The following SEMA5A variants were observed in gnomAD, a reference collection of about 807,000 sequenced individuals.
SEMA5A encodes the protein semaphorin-5A.
Under a neutral mutation model 135.5 loss-of-function variants are expected in SEMA5A, and 55 were observed. That is an observed-to-expected ratio of 0.41 (90% CI 0.33 to 0.51). SEMA5A has a LOEUF of 0.51. SEMA5A is among the 20% of genes least tolerant of loss of function. SEMA5A has a pLI of 0.37. For synonymous variants in SEMA5A, 580 were observed against 546.5 expected (o/e 1.06, Z -0.85); for missense variants, 1,290 against 1,419.9 (o/e 0.91, Z 1.47).
intron 2 of SEMA5A, among the ~76,000 whole-genome samples, chr5:9,407,923 A>G (rs1196067226): frequency 6.6e-6 from 1 of 151,906 alleles, no homozygotes; most frequent in Non-Finnish European, 1.5e-5. Flanking sequence ...TACCACTACC[A>G]TGACCACCAT....
At chr5:9,525,582 T>C (rs1414788648) in intron 1 of SEMA5A, among the ~76,000 whole-genome samples, 4 of 152,238 alleles carry the variant, frequency 2.6e-5, no homozygotes, top group Non-Finnish European at 5.9e-5. Flanking sequence ...AGCACTTGTC[T>C]CTCGGAGCCT....
chr5:9,361,025 G>A (rs1016253689), intron 3 of SEMA5A, among the ~76,000 whole-genome samples: 4 of 152,160 alleles, frequency 2.6e-5, no homozygotes, highest in African/African-American at 9.7e-5. Flanking sequence ...CTGGCCAGGC[G>A]CAGTGGCACA....
At chr5:9,534,265 C>T (rs1381430505) in intron 1 of SEMA5A, among the ~76,000 whole-genome samples, 3 of 152,170 alleles carry the variant, frequency 2.0e-5, no homozygotes, top group Admixed American at 2.0e-4. Flanking sequence ...GCTGCCACAC[C>T]CCCAGTCAAG....
chr5:9,202,369 TGGGAGGCCCCG>T, intron 8 of SEMA5A, 129 bp from the exon 9 acceptor site: 1 of 879,058 alleles, frequency 1.1e-6, no homozygotes, highest in Non-Finnish European at 1.7e-6. Context: ...ATAGGACTAT[TGGGAGGCCCCG>T]TGAGCAGCTT....
intron 15 of SEMA5A, among the ~76,000 whole-genome samples, chr5:9,109,349 A>T (rs253654): frequency 0.041 from 6,243 of 152,192 alleles, 460 homozygotes; most frequent in African/African-American, 0.14. Context: ...CTTCTCTTCA[A>T]TTTTTAACAC....
chr5:9,179,217 A>G (rs1044424322), intron 11 of SEMA5A, among the ~76,000 whole-genome samples: 1 of 152,240 alleles, frequency 6.6e-6, no homozygotes, highest in Non-Finnish European at 1.5e-5. Flanking sequence ...AAGGAGTTAT[A>G]TCAAAAATTT....
intron 3 of SEMA5A, among the ~76,000 whole-genome samples, chr5:9,356,760 C>G (rs1394600146): frequency 6.6e-6 from 1 of 152,202 alleles, no homozygotes; most frequent in African/African-American, 2.4e-5. Flanking sequence ...CACGAATTAA[C>G]ATTGTCATGA....
chr5:9,379,883 G>A lies in SEMA5A; in HGVS notation c.64C>T (p.Pro22Ser). The change falls in exon 3 of 23, where the codon CCA becomes TCA. Residue 22 changes from proline to serine, a missense_variant. By Grantham distance (74) the Pro-to-Ser change is moderately conservative. Transcript: ENST00000382496. ...SSLGLWRLAH[P>S]EAQGTTQCQR... ...CACTGAGTCGTACCCTGGGCCTCTG[G>A]GTGGGCGAGTCTCCACAGCCCCAGG... 6.2e-7 allele frequency: 1 copy of A among 1,614,044 alleles called. No homozygotes were observed. The highest frequency in any genetic ancestry group is 8.5e-7 in the Non-Finnish European group (1 of 1,179,992).
At chr5:9,143,041 G>T (rs1337982771) in intron 12 of SEMA5A, among the ~76,000 whole-genome samples, 3 of 152,176 alleles carry the variant, frequency 2.0e-5, no homozygotes, top group African/African-American at 7.2e-5. Flanking sequence ...GACATCCACA[G>T]ATCCTTCAAT....
chr5:9,161,097 T>C (rs1042362893), intron 11 of SEMA5A, among the ~76,000 whole-genome samples: 1 of 151,200 alleles, frequency 6.6e-6, no homozygotes, highest in African/African-American at 2.4e-5. Flanking sequence ...GTGGGAAGAA[T>C]AACTGGAAAG....
intron 21 of SEMA5A, among the ~76,000 whole-genome samples, chr5:9,048,473 C>CT (rs1292913754): frequency 1.3e-5 from 2 of 152,206 alleles, no homozygotes; most frequent in Admixed American, 1.3e-4. Flanking sequence ...GAACCATTTT[C>CT]TGTAGACCTG....
chr5:9,290,721 C>T (rs1579289365), intron 5 of SEMA5A, among the ~76,000 whole-genome samples: 1 of 152,234 alleles, frequency 6.6e-6, no homozygotes, highest in South Asian at 2.1e-4. Context: ...CATCCATTGA[C>T]GTTAAGCTTC....
At chr5:9,491,318 T>A (rs1734991498) in intron 1 of SEMA5A, among the ~76,000 whole-genome samples, 1 of 152,104 alleles carries the variant, frequency 6.6e-6, no homozygotes, top group South Asian at 2.1e-4. Flanking sequence ...TATTGGTGGA[T>A]GCATGTCATT....
intron 20 of SEMA5A, among the ~76,000 whole-genome samples, chr5:9,051,115 A>G (rs577792640): frequency 6.6e-6 from 1 of 152,236 alleles, no homozygotes; most frequent in Non-Finnish European, 1.5e-5. Flanking sequence ...AAGGAAAACA[A>G]TAACAACCAC....
intron 5 of SEMA5A, among the ~76,000 whole-genome samples, chr5:9,287,761 G>A (rs558477586): frequency 6.6e-4 from 100 of 152,266 alleles, no homozygotes; most frequent in Non-Finnish European, 1.1e-3. Flanking sequence ...CCATACCAGA[G>A]ATCACGTGGC....
rs1449446637 is a variant in SEMA5A at position 9,035,746 on chromosome 5, G to GC, written c.*7150dup. The GC allele has an allele frequency of 6.6e-6, 1 of 151,908 alleles. No homozygotes were observed. The highest frequency in any genetic ancestry group is 1.5e-5 in the Non-Finnish European group (1 of 67,992). The allele number at this position is 151,908 out of a possible 1,614,324, so 9.4% of individuals were successfully genotyped here. A position where few individuals can be genotyped will look rare whatever the true frequency, so the allele number is the denominator to read the frequency against. On this transcript the variant is annotated 3_prime_UTR_variant, in exon 23 of 23. Coordinates refer to ENST00000382496, the MANE Select transcript of SEMA5A (RefSeq NM_003966.3). ...TGAAAGAAAGTGTGGTGTGTCCATG[G>GC]CCCCCTTACAAAGGACCCAGCAATC... is the stretch of plus-strand genomic sequence containing the variant.
intron 1 of SEMA5A, among the ~76,000 whole-genome samples, chr5:9,504,589 G>C (rs1735774470): frequency 6.6e-6 from 1 of 152,224 alleles, no homozygotes; most frequent in African/African-American, 2.4e-5. Context: ...GGCGCAAGGG[G>C]AATGCTTCGT....
chr5:9,473,727 C>T (rs765287687), intron 1 of SEMA5A, among the ~76,000 whole-genome samples: 32 of 152,180 alleles, frequency 2.1e-4, no homozygotes, highest in Non-Finnish European at 4.0e-4. Context: ...GGTGGACTGG[C>T]AGAAGGGCTT....
At chr5:9,287,046 T>C in intron 5 of SEMA5A, among the ~76,000 whole-genome samples, 1 of 152,196 alleles carries the variant, frequency 6.6e-6, no homozygotes, top group Non-Finnish European at 1.5e-5. Flanking sequence ...CATACACTCC[T>C]GGGGTGGCCA....
Sources: gnomAD v4.1 joint callset for allele counts (sites outside exome capture counted in the v4.1 genomes callset) on GRCh38, gnomAD v4.1.1 for gene constraint, MANE v1.5 for transcripts, NCBI Gene and HGNC (gene_info 2026-07-23, HGNC 2026-07-21) for gene names.